The following RHOH variants were observed in gnomAD, a reference collection of about 807,000 sequenced individuals.
RHOH encodes the protein rho-related GTP-binding protein RhoH.
RHOH carries 6 observed loss-of-function variants against 13.8 expected under a neutral mutation model. The ratio of observed to expected loss-of-function variants is 0.44; its 90% CI spans 0.24 to 0.86. The LOEUF is 0.86. Ranked by LOEUF, RHOH falls within the 40% of genes least tolerant of loss-of-function variation. The pLI is 0.24. For synonymous variants in RHOH, 117 were observed against 103.0 expected, an observed-to-expected ratio of 1.14 and a Z score of -0.82; for missense variants, 147 against 244.5, an observed-to-expected ratio of 0.60 and a Z score of 2.66.
intron 1 of RHOH, among the ~76,000 whole-genome samples, chr4:40,203,205 C>T (rs1041885780): frequency 2.0e-4 from 30 of 152,160 alleles, no homozygotes; most frequent in African/African-American, 7.2e-4. Flanking sequence ...ATCTCCTGAC[C>T]TCGTGATCCG....
At chr4:40,231,827 C>T (rs963432348) in intron 1 of RHOH, among the ~76,000 whole-genome samples, 2 of 152,246 alleles carry the variant, frequency 1.3e-5, no homozygotes, top group Non-Finnish European at 2.9e-5. Context: ...CTTCCTACAG[C>T]CCAGCTTGAT....
intron 1 of RHOH, among the ~76,000 whole-genome samples, chr4:40,199,472 A>G (rs1723680480): frequency 6.6e-6 from 1 of 152,190 alleles, no homozygotes; most frequent in Non-Finnish European, 1.5e-5. Context: ...GAGAATACAT[A>G]TGAAAGAAGG....
At position 40,227,652 on chromosome 4, in the gene RHOH, CTA is replaced by C. The variant is rs150709969; in HGVS notation, c.-330-15046_-330-15045del. Among the ~76,000 whole-genome samples the C allele has an allele frequency of 9.3e-3, 1,377 of 148,554 alleles. 13 individuals carry two copies. Among genetic ancestry groups the C allele is most frequent in the African/African-American group, 0.03 (1,233 of 40,746 alleles). ...GGGGAATTCCCAGAATACCTGGGCA[CTA>C]TATATATATATATATTTGCAACACA... On this transcript the variant is annotated intron_variant, in intron 1 of 2. Coordinates refer to ENST00000381799, the MANE Select transcript of RHOH (RefSeq NM_004310.5).
upstream of RHOH, among the ~76,000 whole-genome samples, chr4:40,194,785 GT>G (rs1263852252): frequency 3.9e-5 from 6 of 152,192 alleles, no homozygotes; most frequent in Non-Finnish European, 7.3e-5. Flanking sequence ...ACACCCTGGA[GT>G]TGCTTTTAGT....
chr4:40,202,626 G>C (rs1038876881), intron 1 of RHOH, among the ~76,000 whole-genome samples: 1 of 152,160 alleles, frequency 6.6e-6, no homozygotes, highest in Non-Finnish European at 1.5e-5. Flanking sequence ...TATTGTAAAG[G>C]GAGTTTGGAG....
At chr4:40,239,069 C>T (rs1411720490) in intron 1 of RHOH, among the ~76,000 whole-genome samples, 1 of 152,224 alleles carries the variant, frequency 6.6e-6, no homozygotes, top group African/African-American at 2.4e-5. Context: ...CATATTTAGG[C>T]ATCTGCCAAG....
At chr4:40,224,437 C>G in intron 1 of RHOH, among the ~76,000 whole-genome samples, 1 of 152,180 alleles carries the variant, frequency 6.6e-6, no homozygotes, top group East Asian at 1.9e-4. Flanking sequence ...ATTAAAAGGT[C>G]TCCGCATTTA....
chr4:40,205,490 T>A (rs1299067247), intron 1 of RHOH, among the ~76,000 whole-genome samples: 1 of 152,270 alleles, frequency 6.6e-6, no homozygotes, highest in Non-Finnish European at 1.5e-5. Flanking sequence ...CTTTGATAAC[T>A]TTGAAGATAG....
chr4:40,227,182 C>CAAAT (rs913887911), intron 1 of RHOH, among the ~76,000 whole-genome samples: 6 of 151,490 alleles, frequency 4.0e-5, no homozygotes, highest in African/African-American at 1.5e-4. Context: ...AAAACAAAAA[C>CAAAT]AAACAAAAAA....
At position 40,223,466 on chromosome 4, in the gene RHOH, CTTTT is replaced by C. The variant is rs36119984; in HGVS notation, c.-330-19228_-330-19225del. Among the ~76,000 whole-genome samples the C allele has an allele frequency of 4.2e-5, 4 of 94,468 alleles. No homozygotes were observed. The East Asian group carries it at 7.8e-4, about 18-fold the overall frequency. The allele number at this position is 94,468 out of a possible 152,430, so 62.0% of individuals were successfully genotyped here. A position where few individuals can be genotyped will look rare whatever the true frequency, so the allele number is the denominator to read the frequency against. On this transcript the variant is annotated intron_variant, in intron 1 of 2. Coordinates refer to ENST00000381799, the MANE Select transcript of RHOH (RefSeq NM_004310.5). ...TGCTGAAGGCTCAGATGATTGTTAG[CTTTT>C]TTTTTTTTTTTTTTTTTTTAGAGAG...
chr4:40,213,821 G>A (rs1725567402), intron 1 of RHOH, among the ~76,000 whole-genome samples: 1 of 152,116 alleles, frequency 6.6e-6, no homozygotes. Flanking sequence ...GCAGTGGCAT[G>A]ATCCCCAGTC....
chr4:40,200,738 T>C (rs2109355916), intron 1 of RHOH, among the ~76,000 whole-genome samples: 1 of 152,316 alleles, frequency 6.6e-6, no homozygotes, highest in South Asian at 2.1e-4. Context: ...ATACCCGCAT[T>C]TTAACACGCA....
intron 1 of RHOH, among the ~76,000 whole-genome samples, chr4:40,239,877 CAA>C (rs1729043547): frequency 7.6e-6 from 1 of 132,258 alleles, no homozygotes; most frequent in South Asian, 2.3e-4. Flanking sequence ...GACTCCGTCT[CAA>C]GAAAAAAAAA....
At chr4:40,201,970 T>TA (rs1724059783) in intron 1 of RHOH, among the ~76,000 whole-genome samples, 2 of 145,312 alleles carry the variant, frequency 1.4e-5, no homozygotes, top group Non-Finnish European at 3.0e-5. Flanking sequence ...TTTTTTTTTT[T>TA]AAGACAGGGT....
At chr4:40,210,972 C>T (rs948805437) in intron 1 of RHOH, among the ~76,000 whole-genome samples, 2 of 152,110 alleles carry the variant, frequency 1.3e-5, no homozygotes, top group Admixed American at 6.5e-5. Context: ...CTGAAGCTTA[C>T]GTATTATCTA....
chr4:40,200,502 C>A (rs892598940), intron 1 of RHOH: 1 of 152,116 alleles, frequency 6.6e-6, no homozygotes. Context: ...GGAAAGTGGT[C>A]GTTTTGCAGG....
chr4:40,240,880 G>C (rs1729158474), intron 1 of RHOH, among the ~76,000 whole-genome samples: 2 of 148,578 alleles, frequency 1.3e-5, no homozygotes, highest in South Asian at 4.3e-4. Flanking sequence ...CTTAAGGCCA[G>C]GTGCAGTAGC....
intron 1 of RHOH, among the ~76,000 whole-genome samples, chr4:40,229,479 T>C (rs896841353): frequency 2.0e-5 from 3 of 151,234 alleles, no homozygotes; most frequent in Non-Finnish European, 4.4e-5. Context: ...CTACTAAAAG[T>C]ACAAAATTAG....
At chr4:40,211,095 T>C (rs1007288501) in intron 1 of RHOH, among the ~76,000 whole-genome samples, 6 of 152,238 alleles carry the variant, frequency 3.9e-5, no homozygotes, top group African/African-American at 1.4e-4. Context: ...TAATTGTTGT[T>C]GGTCTTCTCT....
Sources: allele counts gnomAD v4.1 joint callset (sites outside exome capture counted in the v4.1 genomes callset), GRCh38; gene constraint gnomAD v4.1.1; transcripts MANE v1.5; gene names NCBI Gene and HGNC (gene_info 2026-07-23, HGNC 2026-07-21).